KIF12: variants seen among roughly 807,000 people sequenced by gnomAD.
The protein encoded by KIF12 is kinesin-like protein KIF12.
KIF12 carries 80 observed loss-of-function variants against 87.9 expected under a neutral mutation model. The ratio of observed to expected loss-of-function variants is 0.91; its 90% confidence interval spans 0.76 to 1.10. The LOEUF (loss-of-function observed/expected upper bound fraction) is 1.10, where lower values mean the gene tolerates loss of function less well. Among genes scored for constraint, KIF12 ranks in the 50% least tolerant of loss-of-function variants. KIF12 has a pLI of 0.00. For missense variants in KIF12, 819 were observed against 865.3 expected (o/e 0.95, Z 0.67); for synonymous variants, 353 against 348.5 (o/e 1.01, Z -0.14).
rs780439251 is a variant in KIF12, at chr9:114,094,259, C to A, written c.1235G>T (p.Ser412Ile). Residue 412 changes from serine to isoleucine, a missense_variant, in exon 13 of 19, where the codon AGT becomes ATT. Transcript: ENST00000640217. The stretch of plus-strand genomic sequence containing the variant: ...CTGGGCCCAGGCCACCCGGGCTCCA[C>A]TGAGCCCTGAGGCTGCAGGGAAGCA... The part of the protein sequence containing the change: ...DQMDCKASGL[S>I]GARVAWAQRN... The A allele has an allele frequency of 1.9e-6, 3 of 1,613,872 alleles. No individual in the cohort carries two copies. The highest frequency in any genetic ancestry group is 2.2e-5 in the East Asian group (1 of 44,898).
In KIF12 at chr9:114,093,282, G is replaced by T; in HGVS notation, c.1543C>A (p.Arg515=). ...CAGGCCCAGTGGGCCAGGGGCACTC[G>T]ACACAGTGGGCAGATGTGGCAGCAG... ...CPCCHICPLC[R]VPLAHWACLP... is the part of the protein sequence containing the mutation. The change falls in exon 16 of 19, where the codon CGA becomes AGA. Residue 515 remains arginine (R), a synonymous_variant. Coordinates refer to ENST00000640217, the MANE Select transcript of KIF12 (RefSeq NM_001388308.1). 6.4e-7 allele frequency: 1 copy of T among 1,560,678 alleles called. No homozygotes were observed. Among genetic ancestry groups the T allele is most frequent in the East Asian group, 2.4e-5 (1 of 42,126 alleles).
At chr9:114,095,927 T>C in intron 9 of KIF12, 124 bp downstream of exon 9, 1 of 1,114,728 alleles carries the variant, frequency 9.0e-7, no homozygotes, top group Non-Finnish European at 1.3e-6. Flanking sequence ...CTTTGGTTCC[T>C]GGATCGCAGC....
At chr9:114,094,326 C>G (rs758713491) in intron 12 of KIF12, 27 bp downstream of exon 12, 4 of 1,610,480 alleles carry the variant, frequency 2.5e-6, no homozygotes, top group Admixed American at 3.3e-5. Flanking sequence ...CTATCCCCAT[C>G]CTACTCTGCC....
Position 114,095,096 on chromosome 9 carries a change from A to G in KIF12, c.1046T>C (p.Leu349Pro). 1 of 1,610,390 alleles carries G rather than the reference A, an allele frequency of 6.2e-7. No homozygotes were observed. Among genetic ancestry groups the G allele is most frequent in the Non-Finnish European group, 8.5e-7 (1 of 1,178,170 alleles). Residue 349 changes from leucine (L) to proline (P), a missense_variant, in exon 11 of 19, where the codon CTT becomes CCT. Leu to Pro is a moderately conservative substitution (Grantham distance 98). Transcript: ENST00000640217. ...TCGCAGGGTGCTGAGAGTCTCAGGA[A>G]GGCACTGGGCTGAGGGGGACACGCA... ...VACVSPSAQC[L>P]PETLSTLRYA...
At chr9:114,095,474 G>C in intron 9 of KIF12, 142 bp from the exon 10 acceptor site, 3 of 905,152 alleles carry the variant, frequency 3.3e-6, no homozygotes, top group Non-Finnish European at 3.3e-6. Flanking sequence ...GACTCAGTCA[G>C]ATTGGTCTCC....
At position 114,092,541 on chromosome 9, in the gene KIF12, C is replaced by T; in HGVS notation, c.1697+1G>A. ...ACCTCAGTGCCCCAGGAGAGACCCACCTCTCTCTTGGGCACTTGGCAGAGC... is the reference window on the plus strand; with the variant it reads ...ACCTCAGTGCCCCAGGAGAGACCCATCTCTCTCTTGGGCACTTGGCAGAGC... On this transcript the variant is annotated splice_donor_variant, in intron 17 of 18. Coordinates refer to ENST00000640217, the MANE Select transcript of KIF12 (RefSeq NM_001388308.1). LOFTEE classifies it high-confidence loss of function. The T allele has an allele frequency of 6.2e-7, 1 of 1,612,684 alleles. No individual in the cohort carries two copies. The highest frequency in any genetic ancestry group is 8.5e-7 in the Non-Finnish European group (1 of 1,179,774).
Position 114,098,971 on chromosome 9 carries a change from C to T in KIF12, c.135G>A (p.Gln45=). The T allele has an allele frequency of 3.2e-6, 5 of 1,550,276 alleles. No individual in the cohort carries two copies. The highest frequency in any genetic ancestry group is 4.4e-6 in the Non-Finnish European group (5 of 1,146,816). Residue 45 remains glutamine, a synonymous_variant, in exon 3 of 19, where the codon CAG becomes CAA. Transcript: ENST00000640217. Reference sequence around the variant, plus strand: ...GGGTCCCTGAGCAGTGCAGCACGCTCTGCTGCCCTCGACGCAGCTCGGCCG... The same window carrying T: ...GGGTCCCTGAGCAGTGCAGCACGCTTTGCTGCCCTCGACGCAGCTCGGCCG... ...MSAAELRRGQ[Q]SVLHCSGTRT... is the part of the protein sequence containing the mutation.
chr9:114,099,224 C>T, intron 1 of KIF12, 27 bp downstream of exon 1: 1 of 1,550,974 alleles, frequency 6.4e-7, no homozygotes, highest in Non-Finnish European at 8.7e-7. Flanking sequence ...TTCAGGACTC[C>T]TCGAACCTGT....
rs1847313153 is a variant in KIF12, at chr9:114,098,108, C to G, written c.375+7G>C. On this transcript the variant is annotated splice_region_variant and intron_variant, in intron 5 of 18. Transcript: ENST00000640217. ...GCCCCGCGGGGGCGCCGCCGGCGCT[C>G]GCTCACCTGGGGAGGGGGTCCAGTC... is the stretch of plus-strand genomic sequence containing the variant. The G allele has an allele frequency of 6.5e-7, 1 of 1,544,606 alleles. No individual in the cohort carries two copies. The highest frequency in any genetic ancestry group is 1.4e-5 in the African/African-American group (1 of 72,642).
intron 7 of KIF12, among the ~76,000 whole-genome samples, chr9:114,097,049 C>T (rs369068403): frequency 5.3e-5 from 8 of 152,142 alleles, no homozygotes; most frequent in South Asian, 4.1e-4. Flanking sequence ...TGAGTCCTGG[C>T]GGAGGCCGAG....
At chr9:114,095,481 C>T (rs1847184776) in intron 9 of KIF12, 149 bp from the exon 10 acceptor site, 5 of 848,576 alleles carry the variant, frequency 5.9e-6, no homozygotes, top group African/African-American at 1.7e-5. Flanking sequence ...TCAGATTGGT[C>T]TCCACCACCA....
At chr9:114,096,274 A>AC (rs2134896942) in intron 8 of KIF12, 67 bp from the exon 9 acceptor site, 1 of 1,607,608 alleles carries the variant, frequency 6.2e-7, no homozygotes, top group Non-Finnish European at 8.5e-7. Flanking sequence ...AGGTTATGGG[A>AC]CCAAGAGTTT....
At position 114,095,098 on chromosome 9, in the gene KIF12, G is replaced by A. The variant is rs201442233; in HGVS notation, c.1044C>T (p.Cys348=). 12 of 1,609,904 alleles carry A rather than the reference G, an allele frequency of 7.5e-6. No homozygotes were observed. The highest frequency in any genetic ancestry group is 1.0e-5 in the Non-Finnish European group (12 of 1,178,040). The change falls in exon 11 of 19, where the codon TGC becomes TGT. Residue 348 remains cysteine (C), a synonymous_variant. Transcript: ENST00000640217. ...MVACVSPSAQ[C]LPETLSTLRY... ...GCAGGGTGCTGAGAGTCTCAGGAAGGCACTGGGCTGAGGGGGACACGCAGG... is the reference window on the plus strand; with the variant it reads ...GCAGGGTGCTGAGAGTCTCAGGAAGACACTGGGCTGAGGGGGACACGCAGG...
chr9:114,095,349 A>G lies in KIF12; in HGVS notation c.896-17T>C. The stretch of plus-strand genomic sequence containing the variant: ...TGCAGTGACCTGGGGAGGGAGAGCA[A>G]GAGTTAGGAAGGTTACATCACTTGC... On this transcript the variant is annotated splice_polypyrimidine_tract_variant and intron_variant, in intron 9 of 18. Coordinates refer to ENST00000640217, the MANE Select transcript of KIF12 (RefSeq NM_001388308.1). The G allele has an allele frequency of 6.2e-7, 1 of 1,608,690 alleles. No individual in the cohort carries two copies. Among genetic ancestry groups the G allele is most frequent in the South Asian group, 1.1e-5 (1 of 90,610 alleles).
At chr9:114,095,631 T>C (rs1441727272) in intron 9 of KIF12, among the ~76,000 whole-genome samples, 1 of 152,172 alleles carries the variant, frequency 6.6e-6, no homozygotes, top group East Asian at 1.9e-4. Context: ...GCATCTCACA[T>C]GCATGCCACA....
Position 114,091,947 on chromosome 9 carries a change from T to C in KIF12, c.1870A>G (p.Ile624Val). 6.2e-7 allele frequency: 1 copy of C among 1,612,960 alleles called. No homozygotes were observed. The highest frequency in any genetic ancestry group is 8.5e-7 in the Non-Finnish European group (1 of 1,179,764). The stretch of plus-strand genomic sequence containing the variant: ...CGGCCACGTCGCAGGGAGCTGCCAA[T>C]CTGGTCTCTGAGGGCCTCCAGTCTC... ...AQRLEALRDQ[I>V]GSSLRRGRSQ... is the part of the protein sequence containing the mutation. The change falls in exon 19 of 19, where the codon ATT becomes GTT. Residue 624 changes from isoleucine to valine, a missense_variant. By Grantham distance (29) the Ile-to-Val change is conservative. Coordinates refer to ENST00000640217, the MANE Select transcript of KIF12 (RefSeq NM_001388308.1).
Position 114,093,266 on chromosome 9 carries a change from T to G in KIF12, c.1559A>C (p.His520Pro), listed in dbSNP as rs1847069473. 1 of 1,557,594 alleles carries G rather than the reference T, an allele frequency of 6.4e-7. No individual in the cohort carries two copies. Among genetic ancestry groups the G allele is most frequent in the African/African-American group, 1.4e-5 (1 of 73,592 alleles). ...GTGCTCCCCTGGCAGGCAGGCCCAGTGGGCCAGGGGCACTCGACACAGTGG... is the reference window on the plus strand; with the variant it reads ...GTGCTCCCCTGGCAGGCAGGCCCAGGGGGCCAGGGGCACTCGACACAGTGG... ...ICPLCRVPLA[H>P]WACLPGEHHL... Residue 520 changes from histidine (H) to proline (P), a missense_variant, in exon 16 of 19, where the codon CAC becomes CCC. Physicochemically the swap from His to Pro is moderately conservative, Grantham distance 77. Coordinates refer to ENST00000640217, the MANE Select transcript of KIF12 (RefSeq NM_001388308.1).
In KIF12 at chr9:114,098,325, GCGCCGCA is replaced by G; in HGVS notation, c.269_275del (p.Val90AlafsTer28). The G allele has an allele frequency of 6.8e-7, 1 of 1,473,364 alleles. No individual in the cohort carries two copies. The highest frequency in any genetic ancestry group is 2.8e-5 in the East Asian group (1 of 35,244). 91.3% of individuals were successfully genotyped at this position (1,473,364 alleles called of 1,614,324 possible). ...ACCCGCGCAGCGCCAGCTCCCCCAG[GCGCCGCA>G]CGCCGCACGCCCGGAACACGTCCTC... On this transcript the variant is annotated frameshift_variant, in exon 4 of 19. Transcript: ENST00000640217. LOFTEE classifies it high-confidence loss of function.
chr9:114,095,319 GGAGATGCAGTGACCTGGGGA>G lies in KIF12; in HGVS notation c.896-7_908del, dbSNP rs1847177791. 1.9e-6 allele frequency: 3 copies of G among 1,613,314 alleles called. No homozygotes were observed. The South Asian group carries it at 3.3e-5, about 18-fold the overall frequency. On this transcript the variant is annotated splice_acceptor_variant and splice_polypyrimidine_tract_variant and coding_sequence_variant and intron_variant, in exon 10 of 19. Coordinates refer to ENST00000640217, the MANE Select transcript of KIF12 (RefSeq NM_001388308.1). LOFTEE classifies it high-confidence loss of function. ...GCTTCCGCTGTGGGTCCAGCAGCAG[GGAGATGCAGTGACCTGGGGA>G]GGGAGAGCAAGAGTTAGGAAGGTTA...
Sources: allele counts gnomAD v4.1 joint callset (sites outside exome capture counted in the v4.1 genomes callset), GRCh38; gene constraint gnomAD v4.1.1; transcripts MANE v1.5; gene names NCBI Gene and HGNC (gene_info 2026-07-23, HGNC 2026-07-21).